Variants in CAST observed in about 807,000 individuals in gnomAD.
The protein encoded by CAST is calpastatin.
Under a neutral mutation model 119.6 loss-of-function variants are expected in CAST, and 76 were observed. The observed-to-expected ratio is 0.64, with a 90% CI of 0.53 to 0.77. CAST has a LOEUF of 0.77. Ranked by LOEUF, CAST falls within the 30% of genes least tolerant of loss-of-function variation. CAST has a pLI of 0.00. For synonymous variants in CAST, 319 were observed against 331.6 expected, an observed-to-expected ratio of 0.96 and a Z score of 0.41; for missense variants, 953 against 946.5, an observed-to-expected ratio of 1.01 and a Z score of -0.09.
chr5:96,147,589 C>G, the CAST span, among the ~76,000 whole-genome samples: 1 of 151,130 alleles, frequency 6.6e-6, no homozygotes, highest in Non-Finnish European at 1.5e-5. Flanking sequence ...GGCGACAGAG[C>G]GAGACTCCGT....
At chr5:95,961,661 G>A in the CAST span, 1 of 1,609,304 alleles carries the variant, frequency 6.2e-7, no homozygotes, top group Admixed American at 1.7e-5. Flanking sequence ...TGCCCCAGCC[G>A]TCCGCACGAC....
the CAST span, among the ~76,000 whole-genome samples, chr5:96,414,614 T>C: frequency 6.6e-6 from 1 of 152,296 alleles, no homozygotes; most frequent in African/African-American, 2.4e-5. Flanking sequence ...AAAACATCAG[T>C]AGGCTTGGAA....
chr5:96,623,309 C>T (rs1747657900), intron 1 of CAST, among the ~76,000 whole-genome samples: 1 of 152,014 alleles, frequency 6.6e-6, no homozygotes, highest in Non-Finnish European at 1.5e-5. Flanking sequence ...ACATTAAAGC[C>T]ACCTGCCACT....
chr5:96,610,538 T>C (rs1747341875), intron 1 of CAST, among the ~76,000 whole-genome samples: 1 of 152,218 alleles, frequency 6.6e-6, no homozygotes, highest in South Asian at 2.1e-4. Flanking sequence ...AACAGCCATC[T>C]TCAGCAGACC....
the CAST span, among the ~76,000 whole-genome samples, chr5:95,978,117 A>G: frequency 6.6e-6 from 1 of 152,082 alleles, no homozygotes; most frequent in Non-Finnish European, 1.5e-5. Flanking sequence ...ACACGTGTGC[A>G]TGTGTCTCTA....
the CAST span, among the ~76,000 whole-genome samples, chr5:96,511,136 C>A: frequency 2.0e-5 from 3 of 152,128 alleles, no homozygotes; most frequent in Non-Finnish European, 4.4e-5. Context: ...TACAAAAAAA[C>A]AAAGACTATA....
At chr5:95,993,348 G>T in the CAST span, among the ~76,000 whole-genome samples, 3 of 152,174 alleles carry the variant, frequency 2.0e-5, no homozygotes, top group Non-Finnish European at 4.4e-5. Context: ...AGAATTATAG[G>T]AGGAAATATT....
the CAST span, among the ~76,000 whole-genome samples, chr5:96,268,794 A>G: frequency 6.6e-6 from 1 of 152,274 alleles, no homozygotes; most frequent in East Asian, 1.9e-4. Flanking sequence ...CTTTTATCAG[A>G]TAAAGTAGAC....
chr5:96,628,870 G>C (rs914168982), intron 1 of CAST, among the ~76,000 whole-genome samples: 1 of 152,054 alleles, frequency 6.6e-6, no homozygotes, highest in Non-Finnish European at 1.5e-5. Context: ...GAGGGGCGGG[G>C]GGTCATAAAG....
At chr5:96,325,922 A>G in the CAST span, among the ~76,000 whole-genome samples, 6 of 152,228 alleles carry the variant, frequency 3.9e-5, no homozygotes, top group African/African-American at 4.8e-5. Flanking sequence ...GGCGATCCAC[A>G]TGATACATTA....
Position 96,768,121 on chromosome 5 carries a change from T to TA in CAST, c.2268+123dup, listed in dbSNP as rs1383307952. 6.9e-6 allele frequency: 5 copies of TA among 724,688 alleles called. No individual in the cohort carries two copies. In the Admixed American group the frequency reaches 1.1e-4, roughly 17 times the overall value. The allele number at this position is 724,688 out of a possible 1,614,324, so 44.9% of individuals were successfully genotyped here. On this transcript the variant is annotated intron_variant, in intron 29 of 31. Coordinates refer to ENST00000675179, the MANE Select transcript of CAST (RefSeq NM_001750.7). ...TGTCTTGTAACAGGGTCTTACTCTA[T>TA]AGCCCAGGCTGGAGTGCAGTGGTGT...
At chr5:96,310,272 G>C in the CAST span, among the ~76,000 whole-genome samples, 11 of 152,160 alleles carry the variant, frequency 7.2e-5, no homozygotes, top group African/African-American at 2.4e-4. Context: ...TACATCCCAG[G>C]AATAAGTCTC....
intron 1 of CAST, among the ~76,000 whole-genome samples, chr5:96,599,462 T>C (rs1416156125): frequency 6.6e-6 from 1 of 152,238 alleles, no homozygotes; most frequent in African/African-American, 2.4e-5. Flanking sequence ...ATTCATCTAC[T>C]GTAATATCGG....
the CAST span, among the ~76,000 whole-genome samples, chr5:96,272,577 A>G: frequency 6.6e-6 from 1 of 152,150 alleles, no homozygotes; most frequent in Non-Finnish European, 1.5e-5. Flanking sequence ...GAGAGTAGAT[A>G]ATGGTTATGA....
chr5:96,613,688 G>A (rs183206616), intron 1 of CAST, among the ~76,000 whole-genome samples: 1 of 152,068 alleles, frequency 6.6e-6, no homozygotes, highest in Admixed American at 6.6e-5. Flanking sequence ...CAACTTAAGG[G>A]TATTCAAAGG....
the CAST span, among the ~76,000 whole-genome samples, chr5:96,061,542 A>G: frequency 6.6e-6 from 1 of 152,116 alleles, no homozygotes; most frequent in Non-Finnish European, 1.5e-5. Flanking sequence ...TGATCTGGGT[A>G]CAAGCCAAAA....
chr5:96,110,981 A>G, the CAST span: 2 of 152,134 alleles, frequency 1.3e-5, no homozygotes, highest in Admixed American at 6.6e-5. Flanking sequence ...GGGATCAACA[A>G]TTCAATTTAA....
At chr5:96,729,817 A>G (rs1338484238) in intron 8 of CAST, 92 bp downstream of exon 8, 15 of 702,298 alleles carry the variant, frequency 2.1e-5, no homozygotes, top group East Asian at 1.5e-4. Flanking sequence ...AGTTCAATCT[A>G]TGGGGCTGTG....
chr5:96,356,427 G>C, the CAST span, among the ~76,000 whole-genome samples: 3 of 152,104 alleles, frequency 2.0e-5, no homozygotes, highest in African/African-American at 4.8e-5. Context: ...GTCCTTAATG[G>C]TATTGCCCAG....
Sources: allele counts gnomAD v4.1 joint callset (sites outside exome capture counted in the v4.1 genomes callset), GRCh38; gene constraint gnomAD v4.1.1; transcripts MANE v1.5; gene names NCBI Gene and HGNC (gene_info 2026-07-23, HGNC 2026-07-21).